DZANK1: variants seen among roughly 807,000 people sequenced by gnomAD.
The protein encoded by DZANK1 is double zinc ribbon and ankyrin repeat domains 1, also known as double zinc ribbon and ankyrin repeat-containing protein 1.
A neutral mutation model predicts 94.5 loss-of-function variants in DZANK1; 91 were observed. The ratio of observed to expected loss-of-function variants is 0.96; its 90% CI spans 0.81 to 1.15. The LOEUF (loss-of-function observed/expected upper bound fraction) is 1.15. Ranked by LOEUF, DZANK1 falls within the 50% of genes most tolerant of loss-of-function variation. The pLI, the probability that DZANK1 is intolerant of heterozygous loss-of-function variation, is 0.00. For synonymous variants in DZANK1, 312 were observed against 325.3 expected (o/e 0.96, Z 0.44); for missense variants, 903 against 916.4 (o/e 0.99, Z 0.19).
intron 7 of DZANK1, among the ~76,000 whole-genome samples, chr20:18,444,305 C>T (rs1288217074): frequency 2.6e-5 from 4 of 152,220 alleles, no homozygotes; most frequent in Non-Finnish European, 4.4e-5. Flanking sequence ...TGGGCCCACC[C>T]GCCAGAGCAA....
chr20:18,384,907 T>G (rs939200057), intron 20 of DZANK1, 109 bp downstream of exon 20: 43 of 1,078,774 alleles, frequency 4.0e-5, no homozygotes, highest in Non-Finnish European at 5.5e-5. Context: ...GTGGTCCCCA[T>G]GGACAGGGAC....
chr20:18,431,532 T>C (rs1297397412), intron 9 of DZANK1, among the ~76,000 whole-genome samples: 1 of 152,240 alleles, frequency 6.6e-6, no homozygotes, highest in African/African-American at 2.4e-5. Flanking sequence ...CTGTCACCCT[T>C]ATGACATCTG....
At chr20:18,438,069 A>G (rs1288254867) in intron 8 of DZANK1, among the ~76,000 whole-genome samples, 4 of 151,742 alleles carry the variant, frequency 2.6e-5, no homozygotes, top group African/African-American at 9.7e-5. Flanking sequence ...ATACAAAAAA[A>G]TTGGCCAGGC....
At chr20:18,416,049 C>T (rs1568933636) in intron 10 of DZANK1, among the ~76,000 whole-genome samples, 1 of 152,212 alleles carries the variant, frequency 6.6e-6, no homozygotes, top group Non-Finnish European at 1.5e-5. Context: ...GTGGCTGCTA[C>T]CTGACCACCC....
At position 18,452,558 on chromosome 20, in the gene DZANK1, G is replaced by GA. The variant is rs201298348; in HGVS notation, c.543+56dup. ...GGTGCAGTCTTAAAGTATTTCATGG[G>GA]AGCATTAAAAATATAGGAGGTATTT... On this transcript the variant is annotated intron_variant, in intron 6 of 20. Coordinates refer to ENST00000262547, the Ensembl canonical transcript of DZANK1. The GA allele has an allele frequency of 1.1e-3, 1,640 of 1,523,422 alleles. 26 individuals carry two copies. In the Admixed American group the frequency reaches 0.029, roughly 27 times the overall value. The allele number at this position is 1,523,422 out of a possible 1,614,324, so 94.4% of individuals were successfully genotyped here. A position where few individuals can be genotyped will look rare whatever the true frequency, so the allele number is the denominator to read the frequency against.
intron 13 of DZANK1, among the ~76,000 whole-genome samples, chr20:18,405,518 A>G (rs2056917920): frequency 2.6e-5 from 4 of 152,222 alleles, no homozygotes; most frequent in Admixed American, 2.6e-4. Flanking sequence ...GAGAAGAGAC[A>G]GAGAAATGGG....
intron 10 of DZANK1, among the ~76,000 whole-genome samples, chr20:18,418,458 G>A (rs2057607487): frequency 6.6e-6 from 1 of 152,170 alleles, no homozygotes; most frequent in South Asian, 2.1e-4. Context: ...ATATCTGAAT[G>A]GAGACCAAAC....
chr20:18,400,287 A>G (rs2056599663), intron 13 of DZANK1, among the ~76,000 whole-genome samples: 1 of 152,112 alleles, frequency 6.6e-6, no homozygotes. Context: ...TGTGTTAAAA[A>G]CTAGTTAATA....
At chr20:18,419,611 A>C (rs1028136734) in intron 10 of DZANK1, among the ~76,000 whole-genome samples, 3 of 152,188 alleles carry the variant, frequency 2.0e-5, no homozygotes, top group African/African-American at 7.2e-5. Flanking sequence ...GAAAGCATGG[A>C]GGCCAAAAGA....
At chr20:18,444,182 T>C (rs932580) in intron 7 of DZANK1, among the ~76,000 whole-genome samples, 129,100 of 152,180 alleles carry the variant, frequency 0.85, 54,982 homozygotes, top group South Asian at 0.96. Context: ...CACCGGATTG[T>C]CTCGTTGCCC....
chr20:18,463,781 T>A (rs1339761791), intron 2 of DZANK1, among the ~76,000 whole-genome samples: 1 of 152,176 alleles, frequency 6.6e-6, no homozygotes, highest in East Asian at 1.9e-4. Context: ...TACATATGCT[T>A]AGTTAGAACT....
intron 16 of DZANK1, among the ~76,000 whole-genome samples, 185 bp from the exon 17 acceptor site, chr20:18,393,996 G>A (rs2056176100): frequency 1.3e-5 from 2 of 152,154 alleles, no homozygotes; most frequent in Admixed American, 6.5e-5. Flanking sequence ...ACCAGAGGAA[G>A]GGTGGGAAGG....
intron 6 of DZANK1, among the ~76,000 whole-genome samples, chr20:18,450,271 C>T (rs1449748126): frequency 3.3e-5 from 5 of 152,078 alleles, no homozygotes; most frequent in South Asian, 2.1e-4. Context: ...ATGGCCTAGG[C>T]TGGGTGTAGT....
At chr20:18,390,980 G>C (rs935177406) in intron 17 of DZANK1, among the ~76,000 whole-genome samples, 19 of 152,174 alleles carry the variant, frequency 1.2e-4, no homozygotes, top group Non-Finnish European at 2.4e-4. Context: ...CAGATCATTT[G>C]AGGTCAGGAG....
chr20:18,449,171 A>T, intron 6 of DZANK1, 102 bp from the exon 7 acceptor site: 5 of 911,252 alleles, frequency 5.5e-6, no homozygotes, highest in Non-Finnish European at 7.0e-6. Flanking sequence ...TTATGGGTGA[A>T]TACACATAGA....
At chr20:18,458,751 C>G (rs771307679) in intron 3 of DZANK1, among the ~76,000 whole-genome samples, 2 of 152,160 alleles carry the variant, frequency 1.3e-5, no homozygotes, top group Non-Finnish European at 2.9e-5. Context: ...GCTCCCAGAA[C>G]GCACACTTAC....
chr20:18,420,975 ATTTT>A (rs951517423), intron 10 of DZANK1: 2 of 162,888 alleles, frequency 1.2e-5, no homozygotes, highest in Admixed American at 1.2e-4. Context: ...GAATCTGCTG[ATTTT>A]TTTTGTCCAC....
At chr20:18,405,525 T>A (rs1377826166) in intron 13 of DZANK1, among the ~76,000 whole-genome samples, 2 of 151,814 alleles carry the variant, frequency 1.3e-5, no homozygotes, top group African/African-American at 4.8e-5. Context: ...GACAGAGAAA[T>A]GGGACAGAAA....
At chr20:18,460,711 A>G (rs1025345120) in intron 2 of DZANK1, among the ~76,000 whole-genome samples, 10 of 152,264 alleles carry the variant, frequency 6.6e-5, no homozygotes, top group Admixed American at 3.9e-4. Context: ...CCTGGGCAAC[A>G]GAGCGAGACT....
Sources: allele counts gnomAD v4.1 joint callset (sites outside exome capture counted in the v4.1 genomes callset), GRCh38; gene constraint gnomAD v4.1.1; transcripts MANE v1.5; gene names NCBI Gene and HGNC (gene_info 2026-07-23, HGNC 2026-07-21).